The following OPRM1 variants were observed in gnomAD, a reference collection of about 807,000 sequenced individuals.
OPRM1 encodes mu-type opioid receptor.
A neutral mutation model predicts 31.8 loss-of-function variants in OPRM1; 27 were observed. The observed-to-expected ratio is 0.85, with a 90% confidence interval of 0.63 to 1.17. The LOEUF (loss-of-function observed/expected upper bound fraction) is 1.17. OPRM1 is among the 50% of genes most tolerant of loss of function. The pLI is 0.00. For missense variants in OPRM1, 536 were observed against 511.1 expected (o/e 1.05, Z -0.47); for synonymous variants, 196 against 189.9 (o/e 1.03, Z -0.26).
intron 3 of OPRM1, among the ~76,000 whole-genome samples, chr6:154,236,766 G>C (rs550391748): frequency 6.6e-6 from 1 of 152,044 alleles, no homozygotes; most frequent in Non-Finnish European, 1.5e-5. Flanking sequence ...AGAGATGGTG[G>C]GTGGTTTGCC....
chr6:154,102,703 G>A (rs1795014694), intron 3 of OPRM1, among the ~76,000 whole-genome samples: 1 of 152,176 alleles, frequency 6.6e-6, no homozygotes, highest in Admixed American at 6.5e-5. Flanking sequence ...GTCTCCTGGA[G>A]TGGAGGCAGG....
chr6:154,018,680 C>T (rs984415922), intron 1 of OPRM1, among the ~76,000 whole-genome samples: 2 of 152,062 alleles, frequency 1.3e-5, no homozygotes, highest in African/African-American at 2.4e-5. Context: ...ACTACAGGTT[C>T]GGGAATGAAG....
intron 3 of OPRM1, among the ~76,000 whole-genome samples, chr6:154,147,908 A>C (rs1256292329): frequency 2.6e-5 from 4 of 152,202 alleles, no homozygotes; most frequent in Non-Finnish European, 5.9e-5. Context: ...GACCTATATA[A>C]TTCAGCCTAT....
chr6:154,213,397 T>C (rs1778125643), intron 3 of OPRM1: 1 of 155,786 alleles, frequency 6.4e-6, no homozygotes, highest in Non-Finnish European at 1.4e-5. Context: ...TGTAGTTTTG[T>C]ACTAACTCAC....
At chr6:154,180,414 A>ATATATATATTTTT (rs1241250621) in intron 3 of OPRM1, among the ~76,000 whole-genome samples, 27 of 65,254 alleles carry the variant, frequency 4.1e-4, no homozygotes, top group African/African-American at 1.2e-3. Flanking sequence ...ATATATATAT[A>ATATATATATTTTT]TTTTTTTTTT....
rs1053418360 is a variant in OPRM1, at chr6:154,100,703, T to G, written c.1164+9231T>G. Among the ~76,000 whole-genome samples the G allele has an allele frequency of 2.0e-5, 3 of 151,608 alleles. No homozygotes were observed. The East Asian group carries it at 5.8e-4, about 29-fold the overall frequency. On this transcript the variant is annotated intron_variant, in intron 3 of 3. Transcript: ENST00000330432. The stretch of plus-strand genomic sequence containing the variant: ...AAAAAGAGCTAATGTATAGAGCACA[T>G]TTTTTGTGTAAAATCAGCTACCATC...
At chr6:154,223,284 A>G (rs1000542321) in intron 3 of OPRM1, 5 of 1,438,188 alleles carry the variant, frequency 3.5e-6, no homozygotes, top group African/African-American at 1.4e-5. Flanking sequence ...GAATGCATCA[A>G]TCCTGGGGAT....
chr6:154,102,158 T>G (rs1265721543), intron 3 of OPRM1, among the ~76,000 whole-genome samples: 1 of 152,110 alleles, frequency 6.6e-6, no homozygotes, highest in African/African-American at 2.4e-5. Flanking sequence ...AGCCTGGTCT[T>G]AAACTCCTGG....
chr6:154,194,348 G>A (rs74439078), intron 3 of OPRM1, among the ~76,000 whole-genome samples: 7,477 of 151,762 alleles, frequency 0.049, 304 homozygotes, highest in South Asian at 0.19. Flanking sequence ...GCCGTGAGCT[G>A]AGATCACACC....
intron 3 of OPRM1, among the ~76,000 whole-genome samples, chr6:154,202,720 A>G (rs566700492): frequency 5.9e-4 from 90 of 152,304 alleles, no homozygotes; most frequent in African/African-American, 2.1e-3. Context: ...CTGTTAAATG[A>G]GCATTAGAAA....
chr6:154,208,231 T>G (rs953183673), intron 3 of OPRM1, among the ~76,000 whole-genome samples: 9 of 152,140 alleles, frequency 5.9e-5, no homozygotes, highest in Admixed American at 5.2e-4. Flanking sequence ...CTCATCTTGG[T>G]TCACCCCGCG....
At chr6:154,085,109 G>A (rs1048524982) in intron 1 of OPRM1, among the ~76,000 whole-genome samples, 5 of 152,128 alleles carry the variant, frequency 3.3e-5, no homozygotes, top group African/African-American at 4.8e-5. Flanking sequence ...ATTTAGTCTG[G>A]CTTCACTTAA....
chr6:154,184,294 A>G (rs1466095449), intron 3 of OPRM1, among the ~76,000 whole-genome samples: 1 of 152,110 alleles, frequency 6.6e-6, no homozygotes, highest in Non-Finnish European at 1.5e-5. Context: ...CTGTAATAAT[A>G]AAAAATTGGA....
intron 3 of OPRM1, among the ~76,000 whole-genome samples, chr6:154,228,368 T>C (rs1017657684): frequency 1.3e-5 from 2 of 152,182 alleles, no homozygotes; most frequent in African/African-American, 4.8e-5. Flanking sequence ...CTCGAAATCC[T>C]GATGTAATAA....
intron 3 of OPRM1, among the ~76,000 whole-genome samples, chr6:154,180,403 TATATATA>T (rs1233168517): frequency 2.3e-4 from 10 of 42,832 alleles, no homozygotes; most frequent in African/African-American, 5.5e-4. Flanking sequence ...TATATATATA[TATATATA>T]TATATTTTTT....
At chr6:154,086,502 G>A (rs567505857) in intron 1 of OPRM1, 1 of 778,036 alleles carries the variant, frequency 1.3e-6, no homozygotes, top group African/African-American at 1.9e-5. Flanking sequence ...TACACATTGT[G>A]GAATGGCTAG....
intron 3 of OPRM1, among the ~76,000 whole-genome samples, chr6:154,106,236 T>C (rs111355900): frequency 0.017 from 2,600 of 152,354 alleles, 71 homozygotes; most frequent in African/African-American, 0.06. Flanking sequence ...TTTACACACC[T>C]TGCATGTAAG....
chr6:154,115,377 C>T (rs138064993), intron 3 of OPRM1, among the ~76,000 whole-genome samples: 1,535 of 151,994 alleles, frequency 0.01, 15 homozygotes, highest in Admixed American at 0.019. Context: ...CCGTCTCTAC[C>T]AAAAATACAA....
chr6:154,108,761 G>C (rs757057862), intron 3 of OPRM1: 1 of 984,994 alleles, frequency 1.0e-6, no homozygotes, highest in Non-Finnish European at 1.2e-6. Context: ...CTCTAACCCC[G>C]CTTTATAAAC....
Sources: allele counts gnomAD v4.1 joint callset (sites outside exome capture counted in the v4.1 genomes callset), GRCh38; gene constraint gnomAD v4.1.1; transcripts MANE v1.5; gene names NCBI Gene and HGNC (gene_info 2026-07-23, HGNC 2026-07-21).